Variants in NHLRC2 observed in about 807,000 individuals in gnomAD.
NHLRC2 encodes the protein NHL repeat containing 2, also known as NHL repeat-containing protein 2.
A neutral mutation model predicts 68.1 loss-of-function variants in NHLRC2; 33 were observed. The ratio of observed to expected loss-of-function variants is 0.48; its 90% CI spans 0.37 to 0.65. The LOEUF (loss-of-function observed/expected upper bound fraction) is 0.65. Ranked by LOEUF, NHLRC2 falls within the 30% of genes least tolerant of loss-of-function variation. NHLRC2 has a pLI of 0.00. For missense variants in NHLRC2, 761 were observed against 853.8 expected, an observed-to-expected ratio of 0.89 and a Z score of 1.35; for synonymous variants, 311 against 309.6, an observed-to-expected ratio of 1.00 and a Z score of -0.05.
intron 6 of NHLRC2, among the ~76,000 whole-genome samples, chr10:113,899,298 G>A (rs559771299): frequency 5.9e-5 from 9 of 152,254 alleles, no homozygotes; most frequent in African/African-American, 2.2e-4. Flanking sequence ...AATAAAAGCC[G>A]TTAACCGGAA....
At position 113,858,568 on chromosome 10, in the gene NHLRC2, C is replaced by T. The variant is rs1845784194; in HGVS notation, c.219C>T (p.Tyr73=). 2 of 1,609,288 alleles carry T rather than the reference C, an allele frequency of 1.2e-6. No individual in the cohort carries two copies. Among genetic ancestry groups the T allele is most frequent in the Non-Finnish European group, 8.5e-7 (1 of 1,175,732 alleles). Residue 73 remains tyrosine, a synonymous_variant, in exon 2 of 11, where the codon TAC becomes TAT. Transcript: ENST00000369301. ...WLNTEEPISV[Y]KDLCGKIVVL... The stretch of plus-strand genomic sequence containing the variant: ...ACACAGAAGAACCTATTTCTGTCTA[C>T]AAGGATCTATGTGGAAAAATAGTCG...
intron 6 of NHLRC2, among the ~76,000 whole-genome samples, chr10:113,898,690 A>G (rs974501649): frequency 6.6e-6 from 1 of 152,188 alleles, no homozygotes; most frequent in Non-Finnish European, 1.5e-5. Context: ...ACTATCTCTA[A>G]TCATTCATTC....
intron 1 of NHLRC2, among the ~76,000 whole-genome samples, chr10:113,857,390 C>T (rs1845770207): frequency 6.6e-6 from 1 of 152,048 alleles, no homozygotes; most frequent in African/African-American, 2.4e-5. Context: ...ATTAAGAGGT[C>T]ACTGTACCCT....
At chr10:113,889,188 A>G (rs910833339) in intron 5 of NHLRC2, among the ~76,000 whole-genome samples, 2 of 152,160 alleles carry the variant, frequency 1.3e-5, no homozygotes, top group African/African-American at 2.4e-5. Context: ...ATTTATAGAA[A>G]GGATAACGTG....
chr10:113,894,655 C>T (rs973837468), intron 5 of NHLRC2, among the ~76,000 whole-genome samples: 7 of 151,708 alleles, frequency 4.6e-5, no homozygotes, highest in African/African-American at 1.2e-4. Context: ...TTTTTATTCT[C>T]GGGGATGTTT....
chr10:113,883,523 G>T (rs1223013186), intron 4 of NHLRC2, among the ~76,000 whole-genome samples: 1 of 151,896 alleles, frequency 6.6e-6, no homozygotes, highest in Non-Finnish European at 1.5e-5. Context: ...TAGGTATATG[G>T]ATGTTTGTTA....
chr10:113,867,966 G>T (rs1240163086), intron 2 of NHLRC2, among the ~76,000 whole-genome samples: 1 of 152,096 alleles, frequency 6.6e-6, no homozygotes, highest in African/African-American at 2.4e-5. Context: ...TAATATTTTA[G>T]AAGCAGTTAT....
Position 113,915,945 on chromosome 10 carries a change from AT to A in NHLRC2, c.*7410del, listed in dbSNP as rs1160719369. The stretch of plus-strand genomic sequence containing the variant: ...ACACCTGGCCTGTTATTCCTTCTTT[AT>A]CTAATGTGTGCTAAGCTTGTGAAAA... On this transcript the variant is annotated 3_prime_UTR_variant, in exon 11 of 11. Transcript: ENST00000369301. 5.3e-5 allele frequency: 8 copies of A among 152,316 alleles called. No homozygotes were observed. The highest frequency in any genetic ancestry group is 1.9e-4 in the African/African-American group (8 of 41,462). 9.4% of individuals were successfully genotyped at this position (152,316 alleles called of 1,614,324 possible). A position where few individuals can be genotyped will look rare whatever the true frequency, so the allele number is the denominator to read the frequency against.
At chr10:113,858,330 T>C (rs1480933489) in intron 1 of NHLRC2, among the ~76,000 whole-genome samples, 198 bp from the exon 2 acceptor site, 1 of 152,120 alleles carries the variant, frequency 6.6e-6, no homozygotes, top group Non-Finnish European at 1.5e-5. Flanking sequence ...ATCTTTTATT[T>C]CTTTTGTTGA....
intron 2 of NHLRC2, among the ~76,000 whole-genome samples, chr10:113,870,712 G>C (rs1296630152): frequency 6.6e-6 from 1 of 152,186 alleles, no homozygotes; most frequent in Non-Finnish European, 1.5e-5. Flanking sequence ...GTATTGCCTA[G>C]TTCTTCATCA....
At chr10:113,896,516 T>G (rs1589546613) in intron 5 of NHLRC2, among the ~76,000 whole-genome samples, 1 of 73,612 alleles carries the variant, frequency 1.4e-5, no homozygotes. Flanking sequence ...GGGACTGTTG[T>G]GGGGTGGGGG....
intron 2 of NHLRC2, among the ~76,000 whole-genome samples, chr10:113,873,525 G>A (rs1845949302): frequency 6.6e-6 from 1 of 152,130 alleles, no homozygotes; most frequent in Non-Finnish European, 1.5e-5. Flanking sequence ...TTGCTTTTGT[G>A]TGCTCCTGCA....
At chr10:113,873,170 T>C (rs557830567) in intron 2 of NHLRC2, among the ~76,000 whole-genome samples, 3 of 152,286 alleles carry the variant, frequency 2.0e-5, no homozygotes, top group African/African-American at 7.2e-5. Context: ...AAAGAGATTA[T>C]ATCCAACCAT....
At chr10:113,865,415 A>G (rs968444533) in intron 2 of NHLRC2, among the ~76,000 whole-genome samples, 2 of 151,526 alleles carry the variant, frequency 1.3e-5, no homozygotes, top group Admixed American at 1.3e-4. Context: ...TATTTGGCTT[A>G]GAATATTGTT....
At position 113,883,899 on chromosome 10, in the gene NHLRC2, A is replaced by C. The variant is rs147245490; in HGVS notation, c.910-352A>C. ...ATTACTAGCTGAGCACAACTGAAAT[A>C]TGTGCATTTAATTTTTAGAAACATG... On this transcript the variant is annotated intron_variant, in intron 4 of 10. Coordinates refer to ENST00000369301, the MANE Select transcript of NHLRC2 (RefSeq NM_198514.4). Among the ~76,000 whole-genome samples, 833 of 152,048 alleles carry C rather than the reference A, an allele frequency of 5.5e-3. 8 individuals are homozygous for C. The highest frequency in any genetic ancestry group is 0.018 in the African/African-American group (753 of 41,538).
At chr10:113,891,894 C>A (rs146606651) in intron 5 of NHLRC2, among the ~76,000 whole-genome samples, 11 of 152,320 alleles carry the variant, frequency 7.2e-5, no homozygotes, top group Admixed American at 2.0e-4. Context: ...CAGCCAGAAT[C>A]TGTCTTGTGT....
rs1419494467 is a variant in NHLRC2, at chr10:113,915,099, GA to G, written c.*6567del. On this transcript the variant is annotated 3_prime_UTR_variant, in exon 11 of 11. Coordinates refer to ENST00000369301, the MANE Select transcript of NHLRC2 (RefSeq NM_198514.4). ...TTTTCAAGGGTTGGAGTTGGAAAGTGAAAACCCTAGACACTTGCTGTGGAAT... is the reference window on the plus strand; with the variant it reads ...TTTTCAAGGGTTGGAGTTGGAAAGTGAAACCCTAGACACTTGCTGTGGAAT... The G allele has an allele frequency of 2.2e-6, 1 of 456,278 alleles. No homozygotes were observed. Among genetic ancestry groups the G allele is most frequent in the Non-Finnish European group, 4.4e-6 (1 of 226,964 alleles). The allele number at this position is 456,278 out of a possible 1,614,324, so 28.3% of individuals were successfully genotyped here.
intron 2 of NHLRC2, among the ~76,000 whole-genome samples, chr10:113,870,572 A>G (rs1412836819): frequency 6.6e-6 from 1 of 152,202 alleles, no homozygotes; most frequent in Admixed American, 6.5e-5. Flanking sequence ...AGATCATTCC[A>G]TATTTAGCAA....
chr10:113,883,477 A>G (rs1272056404), intron 4 of NHLRC2, among the ~76,000 whole-genome samples: 2 of 151,938 alleles, frequency 1.3e-5, no homozygotes, highest in East Asian at 3.8e-4. Context: ...TGTGCAATAA[A>G]GCAATTAAGT....
Sources: allele counts gnomAD v4.1 joint callset (sites outside exome capture counted in the v4.1 genomes callset), GRCh38; gene constraint gnomAD v4.1.1; transcripts MANE v1.5; gene names NCBI Gene and HGNC (gene_info 2026-07-23, HGNC 2026-07-21).